ADCY2: variants seen among roughly 807,000 people sequenced by gnomAD.
ADCY2 encodes adenylate cyclase 2.
In ADCY2, 31 loss-of-function variants were observed where a neutral mutation model predicts 125.2. That is an observed-to-expected ratio of 0.25 (90% CI 0.19 to 0.33). The LOEUF is 0.33. Ranked by LOEUF, ADCY2 falls within the 10% of genes least tolerant of loss-of-function variation. ADCY2 has a pLI of 1.00. For synonymous variants in ADCY2, 512 were observed against 548.4 expected (o/e 0.93, Z 0.93); for missense variants, 904 against 1,418.2 (o/e 0.64, Z 5.82).
chr5:7,679,749 G>A (rs1740267269), intron 4 of ADCY2, among the ~76,000 whole-genome samples: 1 of 152,306 alleles, frequency 6.6e-6, no homozygotes, highest in Middle Eastern at 3.4e-3. Context: ...TTGGAGGGAA[G>A]GTGACAGTTT....
chr5:7,592,967 G>T (rs1373001509), intron 3 of ADCY2, among the ~76,000 whole-genome samples: 1 of 152,194 alleles, frequency 6.6e-6, no homozygotes. Context: ...CATGTTGTAT[G>T]TGATAGAATG....
intron 2 of ADCY2, among the ~76,000 whole-genome samples, chr5:7,490,641 GCACA>G (rs533826817): frequency 6.6e-6 from 1 of 151,528 alleles, no homozygotes; most frequent in African/African-American, 2.4e-5. Flanking sequence ...AAACACACAC[GCACA>G]CACACACATG....
At position 7,628,623 on chromosome 5, in the gene ADCY2, T is replaced by C. The variant is rs185381009; in HGVS notation, c.720+2307T>C. Among the ~76,000 whole-genome samples, 147 of 152,302 alleles carry C rather than the reference T, an allele frequency of 9.7e-4. 2 individuals are homozygous for C. Among genetic ancestry groups the C allele is most frequent in the African/African-American group, 3.5e-3 (144 of 41,570 alleles). On this transcript the variant is annotated intron_variant, in intron 4 of 24. Transcript: ENST00000338316. ...ACTTTAAAGAAATAAGAACTGATAT[T>C]AAATATGTTTAATATAATACAACTT...
intron 22 of ADCY2, among the ~76,000 whole-genome samples, chr5:7,805,074 G>A (rs1349609037): frequency 6.6e-6 from 1 of 152,090 alleles, no homozygotes; most frequent in Non-Finnish European, 1.5e-5. Context: ...CCAGCACTTT[G>A]GGAGGCCGAG....
At chr5:7,624,064 T>C (rs1195276188) in intron 3 of ADCY2, among the ~76,000 whole-genome samples, 1 of 152,212 alleles carries the variant, frequency 6.6e-6, no homozygotes, top group African/African-American at 2.4e-5. Flanking sequence ...GGAACAGCCT[T>C]GAAGGCCCCT....
At chr5:7,725,632 G>A (rs938075093) in intron 13 of ADCY2, among the ~76,000 whole-genome samples, 1 of 152,068 alleles carries the variant, frequency 6.6e-6, no homozygotes, top group Non-Finnish European at 1.5e-5. Context: ...TTATTGCTTA[G>A]CTGCTACATT....
chr5:7,804,442 G>A (rs1744697705), intron 21 of ADCY2, 143 bp from the exon 22 acceptor site: 3 of 698,504 alleles, frequency 4.3e-6, no homozygotes, highest in East Asian at 2.7e-5. Context: ...TCCTGGAAAA[G>A]CCCAGGGCCC....
At chr5:7,769,910 C>T (rs965848150) in intron 17 of ADCY2, among the ~76,000 whole-genome samples, 15 of 152,196 alleles carry the variant, frequency 9.9e-5, no homozygotes, top group Admixed American at 9.8e-4. Flanking sequence ...AGTAAGTACA[C>T]TCCAATAGAA....
intron 22 of ADCY2, among the ~76,000 whole-genome samples, chr5:7,816,120 C>T (rs1261631330): frequency 6.6e-6 from 1 of 152,164 alleles, no homozygotes; most frequent in African/African-American, 2.4e-5. Flanking sequence ...GACCCTATCT[C>T]CAAATATGGT....
chr5:7,462,587 T>A (rs1398715248), intron 2 of ADCY2, among the ~76,000 whole-genome samples: 3 of 152,248 alleles, frequency 2.0e-5, no homozygotes, highest in Non-Finnish European at 2.9e-5. Flanking sequence ...GAGAAAACTT[T>A]TAAGACAATA....
At chr5:7,531,030 A>G (rs1326035011) in intron 3 of ADCY2, among the ~76,000 whole-genome samples, 3 of 152,162 alleles carry the variant, frequency 2.0e-5, no homozygotes, top group African/African-American at 7.2e-5. Context: ...CCTACGCTAC[A>G]CTGATGAGTG....
At chr5:7,676,153 G>A (rs146022563) in intron 4 of ADCY2, among the ~76,000 whole-genome samples, 1 of 152,272 alleles carries the variant, frequency 6.6e-6, no homozygotes, top group Non-Finnish European at 1.5e-5. Flanking sequence ...TTGAATCCAA[G>A]TTGCATAAAA....
chr5:7,702,996 T>C (rs1393484681), intron 7 of ADCY2, among the ~76,000 whole-genome samples: 1 of 152,278 alleles, frequency 6.6e-6, no homozygotes, highest in Non-Finnish European at 1.5e-5. Context: ...GAGCATTTTT[T>C]CATGTGTCTG....
chr5:7,707,678 T>G, intron 8 of ADCY2, 28 bp from the exon 9 acceptor site: 3 of 1,611,382 alleles, frequency 1.9e-6, no homozygotes, highest in Non-Finnish European at 2.5e-6. Context: ...TTTTATGTCT[T>G]GACTGTGATT....
intron 3 of ADCY2, among the ~76,000 whole-genome samples, chr5:7,541,085 C>T (rs991108208): frequency 1.3e-5 from 2 of 152,168 alleles, no homozygotes; most frequent in Non-Finnish European, 2.9e-5. Flanking sequence ...GAGCCGTTTA[C>T]ATTTGCATCA....
chr5:7,527,062 T>C (rs964935741), intron 3 of ADCY2, among the ~76,000 whole-genome samples: 1 of 152,228 alleles, frequency 6.6e-6, no homozygotes, highest in African/African-American at 2.4e-5. Flanking sequence ...CTTTTTTGCT[T>C]ACCATCATAT....
intron 18 of ADCY2, among the ~76,000 whole-genome samples, chr5:7,780,874 G>T (rs111598369): frequency 1.2e-3 from 182 of 152,316 alleles, no homozygotes; most frequent in African/African-American, 4.0e-3. Flanking sequence ...ACGTTGGGGT[G>T]TGGTGTTCTT....
chr5:7,469,297 A>AT (rs1742245280), intron 2 of ADCY2, among the ~76,000 whole-genome samples: 1 of 151,992 alleles, frequency 6.6e-6, no homozygotes, highest in Non-Finnish European at 1.5e-5. Context: ...GAGTACATTC[A>AT]TTTTTATACA....
intron 2 of ADCY2, among the ~76,000 whole-genome samples, chr5:7,434,023 A>G (rs763473136): frequency 1.1e-4 from 17 of 152,234 alleles, no homozygotes; most frequent in Non-Finnish European, 2.4e-4. Flanking sequence ...AGTTTTCAAA[A>G]AAGTGCAGAG....
Sources: gnomAD v4.1 joint callset for allele counts (sites outside exome capture counted in the v4.1 genomes callset) on GRCh38, gnomAD v4.1.1 for gene constraint, MANE v1.5 for transcripts, NCBI Gene and HGNC (gene_info 2026-07-23, HGNC 2026-07-21) for gene names.